LETMD1: variants seen among roughly 807,000 people sequenced by gnomAD.
The protein encoded by LETMD1 is LETM1 domain containing 1, also known as LETM1 domain-containing protein 1.
Under a neutral mutation model 43.9 loss-of-function variants are expected in LETMD1, and 30 were observed. The ratio of observed to expected loss-of-function variants is 0.68; its 90% CI spans 0.51 to 0.93. The LOEUF is 0.93. LETMD1 is among the 40% of genes least tolerant of loss of function. The pLI is 0.00. For missense variants in LETMD1, 413 were observed against 447.7 expected (o/e 0.92, Z 0.70); for synonymous variants, 176 against 163.1 (o/e 1.08, Z -0.60).
At chr12:51,049,418 A>T in intron 2 of LETMD1, 1 of 457,718 alleles carries the variant, frequency 2.2e-6, no homozygotes, top group Non-Finnish European at 3.9e-6. Flanking sequence ...GAGGGAGAAT[A>T]TAGGTATGTT....
At chr12:51,063,202 C>T (rs1353547099), downstream of LETMD1, 1 of 152,114 alleles carries the variant, frequency 6.6e-6, no homozygotes, top group East Asian at 1.9e-4. Context: ...TGAAGGAAGG[C>T]AGGTTACATT....
downstream of LETMD1, chr12:51,064,070 C>G (rs373534394): frequency 6.2e-7 from 1 of 1,614,066 alleles, no homozygotes; most frequent in Admixed American, 1.7e-5. Context: ...AGCCTTCTTC[C>G]GTACCAGGCT....
chr12:51,063,982 C>T, downstream of LETMD1: 2 of 1,613,938 alleles, frequency 1.2e-6, no homozygotes, highest in Non-Finnish European at 1.7e-6. Flanking sequence ...GCAGCTGGGT[C>T]TGTGGAGCTA....
chr12:51,059,071 A>G (rs1166000839), intron 8 of LETMD1: 4 of 392,590 alleles, frequency 1.0e-5, no homozygotes, highest in Admixed American at 7.3e-5. Context: ...TAGAGCACCA[A>G]CTTCTACCAG....
downstream of LETMD1, chr12:51,061,699 A>ATAAT (rs1948836365): frequency 1.3e-5 from 2 of 152,384 alleles, no homozygotes; most frequent in Admixed American, 1.3e-4. Context: ...AATGAGCTTA[A>ATAAT]TAATTACAGA....
At chr12:51,055,770 T>C in intron 4 of LETMD1, 65 bp from the exon 5 acceptor site, 1 of 1,170,508 alleles carries the variant, frequency 8.5e-7, no homozygotes, top group South Asian at 1.5e-5. Context: ...ACCAAATGCT[T>C]TCTTTGGCTT....
chr12:51,052,404 A>G (rs113579025), intron 3 of LETMD1, 197 bp downstream of exon 3: 1 of 548,558 alleles, frequency 1.8e-6, no homozygotes, highest in African/African-American at 1.9e-5. Flanking sequence ...AGCCCTCCAT[A>G]GCAAGAGCTC....
At chr12:51,067,895 A>G in the LETMD1 span, 1 of 1,614,080 alleles carries the variant, frequency 6.2e-7, no homozygotes, top group South Asian at 1.1e-5. The surrounding 1 kb of genome is among the most constrained non-coding windows in gnomAD (Gnocchi z 4.1). Context: ...TTTCCACATC[A>G]ATATCTTCAT....
At position 51,049,009 on chromosome 12, in the gene LETMD1, ATAGTC is replaced by A; in HGVS notation, c.123-23_123-19del. On this transcript the variant is annotated intron_variant, in intron 1 of 8. Coordinates refer to ENST00000262055, the MANE Select transcript of LETMD1 (RefSeq NM_015416.5). Reference sequence around the variant, plus strand: ...GGGAGCTTCTAGGACTGATTCCCAGATAGTCTCTTTGATCTTCCTTGTAGGTCTTC... The same window carrying A: ...GGGAGCTTCTAGGACTGATTCCCAGATCTTTGATCTTCCTTGTAGGTCTTC... The A allele has an allele frequency of 1.2e-6, 2 of 1,607,154 alleles. No homozygotes were observed. The highest frequency in any genetic ancestry group is 1.7e-4 in the Middle Eastern group (1 of 6,014).
At position 51,050,283 on chromosome 12, in the gene LETMD1, C is replaced by T. The variant is rs181072723; in HGVS notation, c.274+1098C>T. Among the ~76,000 whole-genome samples the T allele has an allele frequency of 1.2e-3, 178 of 150,658 alleles. 1 individual carries two copies. The highest frequency in any genetic ancestry group is 4.2e-3 in the African/African-American group (171 of 40,988). On this transcript the variant is annotated intron_variant, in intron 2 of 8. Transcript: ENST00000262055. ...TGTCGCCCAGGCTGGAGTGCAATGG[C>T]ATGATCTCGGTTCACTGCAACCTCT...
intron 7 of LETMD1, among the ~76,000 whole-genome samples, chr12:51,057,197 CT>C (rs1249342138): frequency 4.6e-5 from 7 of 152,116 alleles, no homozygotes; most frequent in African/African-American, 1.7e-4. Flanking sequence ...GATCGCACCA[CT>C]GCACTCCAGC....
chr12:51,053,692 T>A, intron 3 of LETMD1, 86 bp from the exon 4 acceptor site: 1 of 851,478 alleles, frequency 1.2e-6, no homozygotes, highest in Non-Finnish European at 1.9e-6. Context: ...GTAATAGAAG[T>A]TTACTGTACA....
chr12:51,064,030 T>TCAGATCCTTC (rs777858642), downstream of LETMD1: 1 of 1,614,186 alleles, frequency 6.2e-7, no homozygotes, highest in Non-Finnish European at 8.5e-7. Context: ...GAGAAGACAT[T>TCAGATCCTTC]CAGATCCTTC....
At chr12:51,067,403 G>A in the LETMD1 span, among the ~76,000 whole-genome samples, 2 of 152,140 alleles carry the variant, frequency 1.3e-5, no homozygotes, top group African/African-American at 4.8e-5. The surrounding 1 kb of genome is among the most constrained non-coding windows in gnomAD (Gnocchi z 4.1). Context: ...GTGCACTGGT[G>A]TGAACTCAGC....
At chr12:51,063,735 T>C (rs989107947), downstream of LETMD1, 8 of 1,528,862 alleles carry the variant, frequency 5.2e-6, no homozygotes, top group African/African-American at 1.1e-4. Flanking sequence ...AGGCAGGACC[T>C]CTAGCGCCTG....
At chr12:51,059,088 C>T (rs1948533734) in intron 8 of LETMD1, 1 of 411,632 alleles carries the variant, frequency 2.4e-6, no homozygotes, top group Non-Finnish European at 4.6e-6. Flanking sequence ...CCAGAAGAAT[C>T]CCAACGCGAC....
intron 3 of LETMD1, 47 bp downstream of exon 3, chr12:51,052,254 C>T (rs1281288631): frequency 1.2e-6 from 2 of 1,601,740 alleles, no homozygotes; most frequent in Admixed American, 1.7e-5. Context: ...GAGGTAATTA[C>T]ATTTAATCAA....
At chr12:51,059,301 T>C (rs1030980036) in intron 8 of LETMD1, 60 bp from the exon 9 acceptor site, 9 of 1,475,978 alleles carry the variant, frequency 6.1e-6, no homozygotes, top group Non-Finnish European at 8.5e-6. Flanking sequence ...TTAAGCCATA[T>C]ATAACAAGGC....
intron 1 of LETMD1, 110 bp from the exon 2 acceptor site, chr12:51,048,924 G>A (rs1945134687): frequency 9.4e-7 from 1 of 1,059,544 alleles, no homozygotes; most frequent in Non-Finnish European, 1.4e-6. Flanking sequence ...TTTCAGAAGT[G>A]TCAAGCCTTG....
Sources: allele counts gnomAD v4.1 joint callset (sites outside exome capture counted in the v4.1 genomes callset), GRCh38; gene constraint gnomAD v4.1.1; non-coding constraint Gnocchi (gnomAD v3.1); transcripts MANE v1.5; gene names NCBI Gene and HGNC (gene_info 2026-07-23, HGNC 2026-07-21).